Variants in TNRC6A observed in about 807,000 individuals in gnomAD.
TNRC6A encodes trinucleotide repeat-containing gene 6A protein.
TNRC6A carries 44 observed loss-of-function variants against 221.2 expected under a neutral mutation model. The ratio of observed to expected loss-of-function variants is 0.20; its 90% CI spans 0.16 to 0.26. The LOEUF (loss-of-function observed/expected upper bound fraction) is 0.26, where lower values mean the gene tolerates loss of function less well. Ranked by LOEUF, TNRC6A falls within the 10% of genes least tolerant of loss-of-function variation. The pLI, the probability that TNRC6A is intolerant of heterozygous loss-of-function variation, is 1.00. For synonymous variants in TNRC6A, 847 were observed against 838.5 expected (o/e 1.01, Z -0.18); for missense variants, 2,199 against 2,404.4 (o/e 0.91, Z 1.79).
intron 2 of TNRC6A, among the ~76,000 whole-genome samples, chr16:24,747,570 T>G (rs529592724): frequency 9.2e-5 from 14 of 152,316 alleles, no homozygotes; most frequent in African/African-American, 3.4e-4. Flanking sequence ...TATAGTCAGA[T>G]GTCTTAAGTG....
intron 2 of TNRC6A, among the ~76,000 whole-genome samples, chr16:24,747,041 C>T (rs992802271): frequency 1.3e-4 from 19 of 149,808 alleles, no homozygotes; most frequent in East Asian, 4.0e-4. Context: ...CTGGAAGATA[C>T]GGGCAAAATT....
In TNRC6A at chr16:24,823,591, C is replaced by G. The variant is rs762234469; in HGVS notation, c.5673C>G (p.Phe1891Leu). The change falls in exon 25 of 25, where the codon TTC (phenylalanine) becomes TTG (leucine). Residue 1891 changes from phenylalanine to leucine, a missense_variant. By Grantham distance (22) the Phe-to-Leu change is conservative. Transcript: ENST00000395799. This position sits in a 1 kb window ranked among gnomAD's most constrained non-coding sequence, Gnocchi z 4.3. The stretch of plus-strand genomic sequence containing the variant: ...GCTCCCTCGACTGTTCCCACTCATT[C>G]TCCAGCCGGACCGATCTCAATCACT... ...RLGSLDCSHS[F>L]SSRTDLNHWN... is the part of the protein sequence containing the mutation. 3 of 1,614,172 alleles carry G rather than the reference C, an allele frequency of 1.9e-6. No individual in the cohort carries two copies. The highest frequency in any genetic ancestry group is 4.5e-5 in the East Asian group (2 of 44,876).
intron 2 of TNRC6A, among the ~76,000 whole-genome samples, chr16:24,719,808 T>G (rs1378206443): frequency 6.8e-6 from 1 of 148,120 alleles, no homozygotes; most frequent in Non-Finnish European, 1.5e-5. Flanking sequence ...ACCATTGCAC[T>G]CAAGCTCAGG....
At chr16:24,674,310 A>G (rs965782817) in intron 2 of TNRC6A, among the ~76,000 whole-genome samples, 4 of 152,132 alleles carry the variant, frequency 2.6e-5, no homozygotes, top group Non-Finnish European at 4.4e-5. Context: ...TTTAAATTCA[A>G]TAGAGGATCA....
intron 2 of TNRC6A, among the ~76,000 whole-genome samples, chr16:24,687,094 C>T (rs575980753): frequency 4.5e-4 from 69 of 152,274 alleles, no homozygotes; most frequent in African/African-American, 1.6e-3. Flanking sequence ...TGCTTTTAGT[C>T]TTGCCTGTCT....
chr16:24,821,110 G>A (rs2058757290), intron 22 of TNRC6A, among the ~76,000 whole-genome samples: 1 of 152,198 alleles, frequency 6.6e-6, no homozygotes, highest in South Asian at 2.1e-4. Context: ...CTTTTCCTTT[G>A]AGTGCGGGTT....
At chr16:24,677,709 T>C (rs752057697) in intron 2 of TNRC6A, among the ~76,000 whole-genome samples, 11 of 152,200 alleles carry the variant, frequency 7.2e-5, no homozygotes, top group Non-Finnish European at 1.6e-4. Context: ...CATGAGGGTT[T>C]GAGCTTTGTC....
chr16:24,724,425 C>T (rs1185593920), intron 2 of TNRC6A, among the ~76,000 whole-genome samples: 3 of 152,160 alleles, frequency 2.0e-5, no homozygotes, highest in Non-Finnish European at 4.4e-5. Context: ...CACATATTAA[C>T]TTTCAAATAC....
At chr16:24,776,337 T>A in intron 4 of TNRC6A, 1 of 984,866 alleles carries the variant, frequency 1.0e-6, no homozygotes, top group Non-Finnish European at 1.2e-6. Context: ...GATAACGTTA[T>A]CTTTGTCTTT....
rs549321037 is a variant in TNRC6A, at chr16:24,653,655, C to G, written n.402+12646C>G. 1.6e-4 allele frequency among the ~76,000 whole-genome samples: 24 copies of G among 152,038 alleles called. 1 individual carries two copies. In the South Asian group the frequency reaches 5.0e-3, roughly 32 times the overall value. On this transcript the variant is annotated intron_variant and non_coding_transcript_variant, in intron 2 of 2. Transcript: ENST00000566108. ...GGCAGGCAGGCATGGTGGCGCACAC[C>G]TGTAATCCCAGCTACTTGGGAGGCT... is the stretch of plus-strand genomic sequence containing the variant.
At chr16:24,728,010 G>A (rs1475228300), upstream of TNRC6A, among the ~76,000 whole-genome samples, 2 of 151,994 alleles carry the variant, frequency 1.3e-5, no homozygotes, top group African/African-American at 2.4e-5. Flanking sequence ...ATGAAAAAAA[G>A]TCATAATCAG....
At chr16:24,695,239 T>A (rs191539886) in intron 2 of TNRC6A, among the ~76,000 whole-genome samples, 1 of 152,120 alleles carries the variant, frequency 6.6e-6, no homozygotes, top group Non-Finnish European at 1.5e-5. Flanking sequence ...GGAAGGAAAC[T>A]GTACTCCAAG....
At chr16:24,794,853 T>G (rs12599552) in intron 8 of TNRC6A, 134 bp downstream of exon 8, 1 of 660,956 alleles carries the variant, frequency 1.5e-6, no homozygotes, top group East Asian at 3.1e-5. Flanking sequence ...GTATAGCCAC[T>G]TGTATGGGCA....
At chr16:24,692,186 G>A (rs112297669) in intron 2 of TNRC6A, among the ~76,000 whole-genome samples, 150 of 152,180 alleles carry the variant, frequency 9.9e-4, no homozygotes, top group African/African-American at 3.4e-3. Context: ...TAGTTGAGTC[G>A]TGGCTCTAAG....
At chr16:24,660,056 C>CATTTT (rs916929312) in intron 2 of TNRC6A, among the ~76,000 whole-genome samples, 2 of 151,928 alleles carry the variant, frequency 1.3e-5, no homozygotes, top group East Asian at 1.9e-4. Flanking sequence ...ATTTTGATGC[C>CATTTT]ATTTTATTTT....
rs2058041683 is a variant in TNRC6A, at chr16:24,789,255, T to G, written c.613T>G (p.Ser205Ala). The change falls in exon 6 of 25, where the codon TCC (serine) becomes GCC (alanine). Residue 205 changes from serine (S) to alanine (A), a missense_variant. Physicochemically the swap from Ser to Ala is moderately conservative, Grantham distance 99 (BLOSUM62 1). Transcript: ENST00000395799. ...QSDINHSTSG[S>A]HYENSQRGPV... ...AGATATAAACCACAGTACTTCAGGA[T>G]CCCATTATGAAAATTCCCAGCGGGG... 1.9e-6 allele frequency: 3 copies of G among 1,607,484 alleles called. No individual in the cohort carries two copies. The East Asian group carries it at 6.7e-5, about 36-fold the overall frequency.
chr16:24,747,006 A>G (rs2057026386), intron 2 of TNRC6A, among the ~76,000 whole-genome samples: 2 of 152,316 alleles, frequency 1.3e-5, no homozygotes, highest in Admixed American at 6.5e-5. Flanking sequence ...CTTGAACGGT[A>G]CAAGTAAATC....
At chr16:24,689,819 T>C (rs773062536) in intron 2 of TNRC6A, among the ~76,000 whole-genome samples, 1 of 151,860 alleles carries the variant, frequency 6.6e-6, no homozygotes, top group Non-Finnish European at 1.5e-5. Flanking sequence ...GGTGCAATCA[T>C]AGCTCACTGA....
intron 5 of TNRC6A, among the ~76,000 whole-genome samples, chr16:24,788,651 T>C (rs1380661527): frequency 9.2e-6 from 1 of 108,216 alleles, no homozygotes; most frequent in Non-Finnish European, 2.3e-5. Flanking sequence ...CAAAATTCTT[T>C]TTTTTTTTTT....
Sources: gnomAD v4.1 joint callset for allele counts (sites outside exome capture counted in the v4.1 genomes callset) on GRCh38, gnomAD v4.1.1 for gene constraint, Gnocchi (gnomAD v3.1) non-coding constraint, MANE v1.5 for transcripts, NCBI Gene and HGNC (gene_info 2026-07-23, HGNC 2026-07-21) for gene names.